Variants in SLC25A48 observed in about 807,000 individuals in gnomAD.
SLC25A48 encodes the protein CTC-321K16.1.
A neutral mutation model predicts 32.2 loss-of-function variants in SLC25A48; 29 were observed. The ratio of observed to expected loss-of-function variants is 0.90; its 90% CI spans 0.67 to 1.23. SLC25A48 has a LOEUF of 1.23. Among genes scored for constraint, SLC25A48 ranks in the 50% most tolerant of loss-of-function variants. SLC25A48 has a pLI of 0.00. For missense variants in SLC25A48, 399 were observed against 422.7 expected, an observed-to-expected ratio of 0.94 and a Z score of 0.49; for synonymous variants, 164 against 172.3, an observed-to-expected ratio of 0.95 and a Z score of 0.38.
chr5:135,651,103 A>G (rs1238175475), intron 3 of SLC25A48, among the ~76,000 whole-genome samples: 2 of 152,058 alleles, frequency 1.3e-5, no homozygotes, highest in African/African-American at 2.4e-5. Context: ...CTGGAGAGAG[A>G]AGGGGTTTCC....
chr5:135,671,085 G>A (rs1490409215), intron 3 of SLC25A48, among the ~76,000 whole-genome samples: 1 of 152,222 alleles, frequency 6.6e-6, no homozygotes, highest in Non-Finnish European at 1.5e-5. Context: ...TGAAGTGGGT[G>A]CCCAGGAGCT....
Position 135,888,196 on chromosome 5 carries a change from C to A in SLC25A48, c.*172C>A. The A allele has an allele frequency of 3.1e-6, 3 of 977,228 alleles. No homozygotes were observed. 60.5% of individuals were successfully genotyped at this position (977,228 alleles called of 1,614,324 possible). ...CGTGGCCCTTCTGATGCCTGGGATG[C>A]CTCATGAGTCACTGATTCAAGCCCT... is the stretch of plus-strand genomic sequence containing the variant. On this transcript the variant is annotated 3_prime_UTR_variant, in exon 8 of 8. Transcript: ENST00000681962.
intron 7 of SLC25A48, among the ~76,000 whole-genome samples, chr5:135,881,093 C>T (rs934059241): frequency 4.6e-5 from 7 of 152,204 alleles, no homozygotes; most frequent in Admixed American, 1.3e-4. Flanking sequence ...GGTGGATGAC[C>T]AACCCCCATA....
rs201538388 is a variant in SLC25A48, at chr5:135,758,726, AAT to A, written c.-520-53795_-520-53794del. ...CCTAGTGTTAACACACTATGATATT[AAT>A]AGAGTATTTTCTATGCTATAAATAA... On this transcript the variant is annotated intron_variant, in intron 3 of 10. Transcript: ENST00000646290. 5.6e-4 allele frequency among the ~76,000 whole-genome samples: 84 copies of A among 150,898 alleles called. 1 individual carries two copies. The East Asian group carries it at 0.015, about 27-fold the overall frequency.
At chr5:135,847,527 A>C (rs898027425) in intron 2 of SLC25A48, among the ~76,000 whole-genome samples, 4 of 152,210 alleles carry the variant, frequency 2.6e-5, no homozygotes, top group Non-Finnish European at 4.4e-5. Flanking sequence ...TGCAGGTATG[A>C]TTATGTTAAG....
intron 4 of SLC25A48, among the ~76,000 whole-genome samples, chr5:135,828,427 C>T (rs1758121072): frequency 6.6e-6 from 1 of 152,226 alleles, no homozygotes; most frequent in African/African-American, 2.4e-5. Context: ...TCACCCCCAT[C>T]TTACAGAGGA....
At chr5:135,842,155 A>G (rs765630463) in intron 1 of SLC25A48, among the ~76,000 whole-genome samples, 1 of 151,712 alleles carries the variant, frequency 6.6e-6, no homozygotes, top group Non-Finnish European at 1.5e-5. Flanking sequence ...GTCTATCTCC[A>G]CTCTTTCACC....
At chr5:135,843,569 G>A (rs1363197254) in intron 2 of SLC25A48, among the ~76,000 whole-genome samples, 1 of 152,178 alleles carries the variant, frequency 6.6e-6, no homozygotes, top group Non-Finnish European at 1.5e-5. Flanking sequence ...CAAGGTGATG[G>A]CAAACACAGT....
intron 1 of SLC25A48, among the ~76,000 whole-genome samples, chr5:135,586,997 T>C (rs7736079): frequency 0.087 from 13,311 of 152,196 alleles, 596 homozygotes; most frequent in South Asian, 0.15. Context: ...TCAGGGAAGT[T>C]CTTGCCCAAA....
rs140609810 is a variant in SLC25A48 at position 135,814,956 on chromosome 5, G to C, written c.-117+2030G>C. On this transcript the variant is annotated intron_variant, in intron 4 of 10. Transcript: ENST00000646290. ...TGTGATGGGCCCACAGAGTACTGTG[G>C]GTTCTGCTAGACCAGATGCTGGAGC... Among the ~76,000 whole-genome samples the C allele has an allele frequency of 1.1e-4, 17 of 152,308 alleles. No homozygotes were observed. The East Asian group carries it at 1.7e-3, about 16-fold the overall frequency.
chr5:135,741,912 A>C (rs915774370), intron 3 of SLC25A48, among the ~76,000 whole-genome samples: 45 of 152,130 alleles, frequency 3.0e-4, no homozygotes, highest in African/African-American at 1.0e-3. Context: ...GTAATAAACT[A>C]TCCACGTGCA....
At chr5:135,609,216 C>T (rs1366690930) in intron 1 of SLC25A48, 1 of 152,206 alleles carries the variant, frequency 6.6e-6, no homozygotes, top group African/African-American at 2.4e-5. Context: ...TCATCTATCC[C>T]TCACTCAGGA....
intron 3 of SLC25A48, among the ~76,000 whole-genome samples, chr5:135,684,022 G>C (rs1753961154): frequency 6.6e-6 from 1 of 152,186 alleles, no homozygotes; most frequent in Non-Finnish European, 1.5e-5. Context: ...AGGGCCAGAA[G>C]AGACCCATTC....
At chr5:135,757,257 A>G (rs1054104216) in intron 3 of SLC25A48, among the ~76,000 whole-genome samples, 2 of 149,818 alleles carry the variant, frequency 1.3e-5, no homozygotes, top group Admixed American at 6.7e-5. Context: ...TATTAATAAA[A>G]TATCACCTAT....
At chr5:135,669,948 T>C (rs1273215843) in intron 3 of SLC25A48, among the ~76,000 whole-genome samples, 1 of 152,208 alleles carries the variant, frequency 6.6e-6, no homozygotes, top group African/African-American at 2.4e-5. Flanking sequence ...TTCTCCATGA[T>C]GGTGAGTTCA....
At chr5:135,697,651 A>G (rs1754299213) in intron 3 of SLC25A48, among the ~76,000 whole-genome samples, 1 of 152,156 alleles carries the variant, frequency 6.6e-6, no homozygotes, top group African/African-American at 2.4e-5. Context: ...ACGGGAAGGT[A>G]GACAAGTTGT....
Position 135,783,992 on chromosome 5 carries a change from C to T in SLC25A48, c.-520-28531C>T, listed in dbSNP as rs756391029. Among the ~76,000 whole-genome samples the T allele has an allele frequency of 5.4e-4, 63 of 117,722 alleles. 24 individuals are homozygous for T. The highest frequency in any genetic ancestry group is 1.2e-3 in the Non-Finnish European group (57 of 47,728). 77.2% of individuals were successfully genotyped at this position (117,722 alleles called of 152,430 possible). Reference sequence around the variant, plus strand: ...AAAAGGATGATATTGCTCCCAATATCGCAGGACGTGTACACTTATCCTGTG... The same window carrying T: ...AAAAGGATGATATTGCTCCCAATATTGCAGGACGTGTACACTTATCCTGTG... On this transcript the variant is annotated intron_variant, in intron 3 of 10. Transcript: ENST00000646290.
chr5:135,791,963 C>T (rs1021019196), intron 3 of SLC25A48, among the ~76,000 whole-genome samples: 4 of 151,708 alleles, frequency 2.6e-5, no homozygotes, highest in African/African-American at 9.7e-5. Flanking sequence ...TGTACACACA[C>T]GGTGTACACA....
chr5:135,758,471 A>T (rs972119209), intron 3 of SLC25A48, among the ~76,000 whole-genome samples: 4 of 150,926 alleles, frequency 2.7e-5, no homozygotes, highest in Admixed American at 6.6e-5. Context: ...TCTCTATGAT[A>T]TCTTTACTAT....
Sources: allele counts gnomAD v4.1 joint callset (sites outside exome capture counted in the v4.1 genomes callset), GRCh38; gene constraint gnomAD v4.1.1; transcripts MANE v1.5; gene names NCBI Gene and HGNC (gene_info 2026-07-23, HGNC 2026-07-21).